LPA: variants seen among roughly 807,000 people sequenced by gnomAD.
LPA encodes the protein lipoprotein(a).
LPA carries 199 observed loss-of-function variants against 197.9 expected under a neutral mutation model. The observed-to-expected ratio is 1.01, with a 90% CI of 0.90 to 1.13. LPA has a LOEUF of 1.13. Ranked by LOEUF, LPA falls within the 50% of genes most tolerant of loss-of-function variation. The pLI is 0.00. For missense variants in LPA, 1,853 were observed against 1,785.8 expected (o/e 1.04, Z -0.68); for synonymous variants, 715 against 639.5 (o/e 1.12, Z -1.78).
chr6:160,569,819 G>T (rs1778530487), intron 28 of LPA, among the ~76,000 whole-genome samples: 1 of 152,124 alleles, frequency 6.6e-6, no homozygotes, highest in African/African-American at 2.4e-5. Flanking sequence ...CAAAAAGTTG[G>T]CAAAGGATAT....
chr6:160,580,997 T>C (rs1440167033), intron 26 of LPA, among the ~76,000 whole-genome samples: 2 of 151,500 alleles, frequency 1.3e-5, no homozygotes, highest in Non-Finnish European at 1.5e-5. Flanking sequence ...TCCAAGGTTA[T>C]AAGATACTAT....
intron 25 of LPA, 71 bp downstream of exon 25, chr6:160,586,378 A>G: frequency 1.3e-6 from 2 of 1,566,892 alleles, no homozygotes; most frequent in Non-Finnish European, 1.8e-6. Flanking sequence ...AGTTTTCTGC[A>G]TCACAAAGAT....
At chr6:160,544,150 A>T (rs566652483) in intron 33 of LPA, among the ~76,000 whole-genome samples, 4 of 152,162 alleles carry the variant, frequency 2.6e-5, no homozygotes, top group Admixed American at 6.6e-5. Context: ...AAGGTGCATG[A>T]GTCCCAGGCA....
intron 32 of LPA, among the ~76,000 whole-genome samples, chr6:160,546,176 G>A (rs1307549310): frequency 1.3e-5 from 2 of 152,166 alleles, no homozygotes; most frequent in Non-Finnish European, 2.9e-5. Context: ...TGACTTGAGG[G>A]TTGGAACTGT....
chr6:160,576,340 GTATA>G (rs71542980), intron 28 of LPA, among the ~76,000 whole-genome samples: 2,066 of 39,758 alleles, frequency 0.052, 42 homozygotes, highest in African/African-American at 0.12. Context: ...GTGTGTGTGT[GTATA>G]TATATATATA....
At chr6:160,662,955 C>A (rs1275679767) in intron 1 of LPA, among the ~76,000 whole-genome samples, 5 of 152,198 alleles carry the variant, frequency 3.3e-5, no homozygotes, top group African/African-American at 9.6e-5. Context: ...AAAACTCTCA[C>A]CCTCCAGAGA....
At chr6:160,552,811 A>G (rs1392261912) in intron 30 of LPA, among the ~76,000 whole-genome samples, 1 of 152,180 alleles carries the variant, frequency 6.6e-6, no homozygotes, top group Non-Finnish European at 1.5e-5. Context: ...TTTATTTGTA[A>G]TGCTTAATCC....
chr6:160,595,403 T>G lies in LPA; in HGVS notation c.3420A>C (p.Ala1140=), dbSNP rs1779111684. Residue 1140 remains alanine (A), a synonymous_variant, in exon 21 of 39, where the codon GCA becomes GCC. Coordinates refer to ENST00000316300, the MANE Select transcript of LPA (RefSeq NM_005577.4). ...QCLVTESSVL[A]TLTVVPDPST... is the part of the protein sequence containing the mutation. ...TTGGATCTGGGACCACCGTGAGAGTTGCAAGGACACTTGATTCTGTCACCA... is the reference window on the plus strand; with the variant it reads ...TTGGATCTGGGACCACCGTGAGAGTGGCAAGGACACTTGATTCTGTCACCA... 1.2e-6 allele frequency: 2 copies of G among 1,612,762 alleles called. No individual in the cohort carries two copies. The highest frequency in any genetic ancestry group is 1.3e-5 in the African/African-American group (1 of 74,624).
At chr6:160,566,139 T>G (rs985556705) in intron 28 of LPA, among the ~76,000 whole-genome samples, 5 of 152,122 alleles carry the variant, frequency 3.3e-5, no homozygotes, top group Non-Finnish European at 5.9e-5. Flanking sequence ...TTCCCCAACC[T>G]ACAAAGGCAG....
intron 2 of LPA, among the ~76,000 whole-genome samples, chr6:160,647,952 A>G (rs1023829994): frequency 6.6e-6 from 1 of 152,012 alleles, no homozygotes; most frequent in Admixed American, 6.6e-5. Flanking sequence ...TTCTTGTTCT[A>G]TTCTTCTTCT....
intron 20 of LPA, among the ~76,000 whole-genome samples, chr6:160,598,728 C>G (rs1355766131): frequency 6.6e-6 from 1 of 152,114 alleles, no homozygotes; most frequent in Non-Finnish European, 1.5e-5. Flanking sequence ...CTCTTCAGAC[C>G]ACTGGTGCTC....
chr6:160,580,136 A>G (rs1178156689), intron 26 of LPA, among the ~76,000 whole-genome samples: 1 of 152,188 alleles, frequency 6.6e-6, no homozygotes, highest in Non-Finnish European at 1.5e-5. Context: ...CATACAGACT[A>G]TACACTTTGA....
At chr6:160,553,553 A>G (rs987959980) in intron 30 of LPA, among the ~76,000 whole-genome samples, 16 of 152,128 alleles carry the variant, frequency 1.1e-4, no homozygotes, top group African/African-American at 2.9e-4. Flanking sequence ...ATTGTTTCCA[A>G]GGAGAAGGCA....
At chr6:160,536,466 A>G (rs1777896907) in intron 37 of LPA, among the ~76,000 whole-genome samples, 1 of 152,196 alleles carries the variant, frequency 6.6e-6, no homozygotes, top group Non-Finnish European at 1.5e-5. Context: ...CCCCCATAAC[A>G]GCCCTGCAGC....
At position 160,598,967 on chromosome 6, in the gene LPA, C is replaced by T. The variant is rs555965411; in HGVS notation, c.3287+533G>A. 4.6e-5 allele frequency among the ~76,000 whole-genome samples: 7 copies of T among 152,236 alleles called. No individual in the cohort carries two copies. The South Asian group carries it at 6.2e-4, about 14-fold the overall frequency. On this transcript the variant is annotated intron_variant, in intron 20 of 38. Transcript: ENST00000316300. ...CTAACTCTTTGGTCATTTGTCATCC[C>T]GGCTGTTTTATTAATAAGATCTTCT...
chr6:160,574,429 C>T (rs960553172), intron 28 of LPA, among the ~76,000 whole-genome samples: 3 of 152,132 alleles, frequency 2.0e-5, no homozygotes, highest in Non-Finnish European at 4.4e-5. Context: ...AGGCTTCTCC[C>T]CCTGTTCAAA....
intron 1 of LPA, among the ~76,000 whole-genome samples, chr6:160,654,986 G>C (rs1780107208): frequency 6.6e-6 from 1 of 152,160 alleles, no homozygotes; most frequent in Admixed American, 6.5e-5. Context: ...GGTGGCATGA[G>C]TGGAGAACAT....
intron 27 of LPA, 71 bp downstream of exon 27, chr6:160,578,452 G>A: frequency 6.4e-7 from 1 of 1,572,496 alleles, no homozygotes; most frequent in Non-Finnish European, 8.7e-7. Context: ...ACCACTGAAG[G>A]CTTCTGCATC....
At chr6:160,572,804 A>G (rs952427740) in intron 28 of LPA, among the ~76,000 whole-genome samples, 32 of 152,132 alleles carry the variant, frequency 2.1e-4, no homozygotes, top group African/African-American at 7.7e-4. Flanking sequence ...TCCTTTATAC[A>G]TTACCTGGTG....
Sources: allele counts gnomAD v4.1 joint callset (sites outside exome capture counted in the v4.1 genomes callset), GRCh38; gene constraint gnomAD v4.1.1; transcripts MANE v1.5; gene names NCBI Gene and HGNC (gene_info 2026-07-23, HGNC 2026-07-21).